The following EPOR variants were observed in gnomAD, a reference collection of about 807,000 sequenced individuals.
EPOR encodes the protein erythropoietin receptor.
Under a neutral mutation model 34.3 loss-of-function variants are expected in EPOR, and 20 were observed. The observed-to-expected ratio is 0.58, with a 90% CI of 0.41 to 0.85. The LOEUF (loss-of-function observed/expected upper bound fraction) is 0.85. Ranked by LOEUF, EPOR falls within the 40% of genes least tolerant of loss-of-function variation. The pLI is 0.00. For missense variants in EPOR, 601 were observed against 672.7 expected, an observed-to-expected ratio of 0.89 and a Z score of 1.18; for synonymous variants, 312 against 299.0, an observed-to-expected ratio of 1.04 and a Z score of -0.45.
chr19:11,381,661 T>A lies in EPOR; in HGVS notation c.585+31A>T. The A allele has an allele frequency of 6.3e-7, 1 of 1,578,696 alleles. No individual in the cohort carries two copies. The highest frequency in any genetic ancestry group is 8.6e-7 in the Non-Finnish European group (1 of 1,162,198). ...TGGCTGGGCCGTAGTCAGTGGAGCT[T>A]TGGGGGCTGGGCCGTAGGGGCTGGC... On this transcript the variant is annotated intron_variant, in intron 4 of 7. Transcript: ENST00000222139. This position sits in a 1 kb window ranked among gnomAD's most constrained non-coding sequence, Gnocchi z 5.3.
chr19:11,379,693 A>G (rs1568328746), intron 6 of EPOR, among the ~76,000 whole-genome samples: 1 of 150,028 alleles, frequency 6.7e-6, no homozygotes, highest in Non-Finnish European at 1.5e-5. Flanking sequence ...CACTCTAGCC[A>G]TGTGGCAATT....
In EPOR at chr19:11,380,945, A is replaced by G. The variant is rs1459614745; in HGVS notation, c.766T>C (p.Ser256Pro). 6.4e-7 allele frequency: 1 copy of G among 1,552,292 alleles called. No homozygotes were observed. Among genetic ancestry groups the G allele is most frequent in the Non-Finnish European group, 8.7e-7 (1 of 1,147,218 alleles). Residue 256 changes from serine to proline, a missense_variant, in exon 6 of 8, where the codon TCC becomes CCC. Transcript: ENST00000222139. The stretch of plus-strand genomic sequence containing the variant: ...ACCAGGATGACCACGAGGATGAGGG[A>G]GAGCGTCAGGATGAGGGGGTCCAGG... The part of the protein sequence containing the change: ...SDLDPLILTL[S>P]LILVVILVLL...
Position 11,380,933 on chromosome 19 carries a change from C to A in EPOR, c.778G>T (p.Val260Leu), listed in dbSNP as rs373709817. The part of the protein sequence containing the change: ...PLILTLSLIL[V>L]VILVLLTVLA... ...ACGGTCAGCAGCACCAGGATGACCACGAGGATGAGGGAGAGCGTCAGGATG... is the reference window on the plus strand; with the variant it reads ...ACGGTCAGCAGCACCAGGATGACCAAGAGGATGAGGGAGAGCGTCAGGATG... The change falls in exon 6 of 8, where the codon GTG becomes TTG. Residue 260 changes from valine to leucine, a missense_variant. Transcript: ENST00000222139. The A allele has an allele frequency of 6.4e-7, 1 of 1,551,980 alleles. No homozygotes were observed.
rs1242430861 is a variant in EPOR at position 11,381,799 on chromosome 19, C to T, written c.478G>A (p.Gly160Ser). 6.2e-7 allele frequency: 1 copy of T among 1,613,648 alleles called. No individual in the cohort carries two copies. Among genetic ancestry groups the T allele is most frequent in the Non-Finnish European group, 8.5e-7 (1 of 1,179,858 alleles). The change falls in exon 4 of 8, where the codon GGC becomes AGC. Residue 160 changes from glycine (G) to serine (S), a missense_variant. Gly to Ser is a moderately conservative substitution (Grantham distance 56). Coordinates refer to ENST00000222139, the MANE Select transcript of EPOR (RefSeq NM_000121.4). This position sits in a 1 kb window ranked among gnomAD's most constrained non-coding sequence, Gnocchi z 5.3. ...GGGAGCCAGCGCAACACTACGTGGCCGCTCTCGTCAGCCAACCGCGCCACC... is the reference window on the plus strand; with the variant it reads ...GGGAGCCAGCGCAACACTACGTGGCTGCTCTCGTCAGCCAACCGCGCCACC... ...GLVARLADES[G>S]HVVLRWLPPP...
intron 6 of EPOR, among the ~76,000 whole-genome samples, chr19:11,379,527 A>C (rs1255989252): frequency 6.6e-6 from 1 of 151,738 alleles, no homozygotes; most frequent in Non-Finnish European, 1.5e-5. Context: ...GTGAGCCAAG[A>C]CTGCTGCACT....
chr19:11,384,064 G>A (rs1379834868), intron 1 of EPOR, 29 bp downstream of exon 1: 3 of 1,409,060 alleles, frequency 2.1e-6, no homozygotes, highest in East Asian at 2.5e-5. Context: ...AGGCTCCAGC[G>A]TAGGGGTCCA....
At position 11,381,705 on chromosome 19, in the gene EPOR, C is replaced by G; in HGVS notation, c.572G>C (p.Gly191Ala). 6.2e-7 allele frequency: 1 copy of G among 1,608,296 alleles called. No homozygotes were observed. The highest frequency in any genetic ancestry group is 2.2e-5 in the East Asian group (1 of 44,476). The change falls in exon 4 of 8, where the codon GGG becomes GCG. Residue 191 changes from glycine to alanine, a missense_variant. Transcript: ENST00000222139. This position sits in a 1 kb window ranked among gnomAD's most constrained non-coding sequence, Gnocchi z 5.3. ...GGCTGGCCTCACCCTCTGTACGCTC[C>G]CTGCGCCGTTGCCGGCCGAGACGTC... is the stretch of plus-strand genomic sequence containing the variant. ...EVDVSAGNGA[G>A]SVQRVEILEG...
chr19:11,379,363 C>T (rs1481507407), intron 6 of EPOR, among the ~76,000 whole-genome samples: 2 of 152,044 alleles, frequency 1.3e-5, no homozygotes, highest in Non-Finnish European at 2.9e-5. Flanking sequence ...GAGCAGATCA[C>T]CTGAGGTCAG....
At chr19:11,379,755 C>T (rs927104424) in intron 6 of EPOR, among the ~76,000 whole-genome samples, 4 of 151,076 alleles carry the variant, frequency 2.6e-5, no homozygotes, top group Admixed American at 1.3e-4. Flanking sequence ...GGCTGGAATG[C>T]GATGGCACGA....
At chr19:11,380,742 C>T (rs2144696589) in intron 6 of EPOR, 142 bp downstream of exon 6, 3 of 703,898 alleles carry the variant, frequency 4.3e-6, no homozygotes, top group East Asian at 2.7e-5. Context: ...GTCTGGCATG[C>T]ATCCCAGCCC....
chr19:11,378,898 AGAG>A lies in EPOR; in HGVS notation c.828-123_828-121del. 9.9e-7 allele frequency: 1 copy of A among 1,012,536 alleles called. No individual in the cohort carries two copies. The highest frequency in any genetic ancestry group is 1.5e-6 in the Non-Finnish European group (1 of 664,252). 62.7% of individuals were successfully genotyped at this position (1,012,536 alleles called of 1,614,324 possible). A position where few individuals can be genotyped will look rare whatever the true frequency, so the allele number is the denominator to read the frequency against. On this transcript the variant is annotated intron_variant, in intron 6 of 7. Transcript: ENST00000222139. The surrounding 1 kb of genome is among the most constrained non-coding windows in gnomAD (Gnocchi z 5.3). ...TGGTCCCTGTGATCACAATGGAGGC[AGAG>A]GAGTACATCAGGGCCAGGGGACAGG...
chr19:11,381,789 A>G lies in EPOR; in HGVS notation c.488T>C (p.Val163Ala). 1 of 1,613,704 alleles carries G rather than the reference A, an allele frequency of 6.2e-7. No individual in the cohort carries two copies. The highest frequency in any genetic ancestry group is 8.5e-7 in the Non-Finnish European group (1 of 1,179,824). The change falls in exon 4 of 8, where the codon GTG (valine) becomes GCG (alanine). Residue 163 changes from valine (V) to alanine (A), a missense_variant. Coordinates refer to ENST00000222139, the MANE Select transcript of EPOR (RefSeq NM_000121.4). This position sits in a 1 kb window ranked among gnomAD's most constrained non-coding sequence, Gnocchi z 5.3. Reference sequence around the variant, plus strand: ...CTCAGGCGGCGGGAGCCAGCGCAACACTACGTGGCCGCTCTCGTCAGCCAA... The same window carrying G: ...CTCAGGCGGCGGGAGCCAGCGCAACGCTACGTGGCCGCTCTCGTCAGCCAA... ...ARLADESGHV[V>A]LRWLPPPETP... is the part of the protein sequence containing the mutation.
intron 6 of EPOR, among the ~76,000 whole-genome samples, chr19:11,379,640 G>C (rs1452091142): frequency 6.7e-6 from 1 of 149,354 alleles, no homozygotes; most frequent in African/African-American, 2.5e-5. Flanking sequence ...TATGACCCCT[G>C]TCACCTCCCT....
At chr19:11,379,658 A>G (rs1172465797) in intron 6 of EPOR, among the ~76,000 whole-genome samples, 1 of 150,820 alleles carries the variant, frequency 6.6e-6, no homozygotes, top group Non-Finnish European at 1.5e-5. Flanking sequence ...CCTCATCTCA[A>G]TATCTGCCAC....
rs771124995 is a variant in EPOR, at chr19:11,377,314, C to T, written c.*670G>A. 2.2e-4 allele frequency: 100 copies of T among 453,936 alleles called. No homozygotes were observed. The highest frequency in any genetic ancestry group is 4.0e-5 in the Non-Finnish European group (9 of 226,796). The allele number at this position is 453,936 out of a possible 1,614,324, so 28.1% of individuals were successfully genotyped here. On this transcript the variant is annotated 3_prime_UTR_variant, in exon 8 of 8. Transcript: ENST00000222139. ...AGCTAAACTAAGTTTCCTGGCCTTT[C>T]ATGTGACTGGGGTCATGTGACTGTT...
At position 11,377,667 on chromosome 19, in the gene EPOR, T is replaced by C. The variant is rs1390308833; in HGVS notation, c.*317A>G. On this transcript the variant is annotated 3_prime_UTR_variant, in exon 8 of 8. Coordinates refer to ENST00000222139, the MANE Select transcript of EPOR (RefSeq NM_000121.4). ...GCATTCAGATTGCAGATCCAGCTTC[T>C]GAATAAGCTCAAGAACTTTAACTTC... 1.9e-6 allele frequency: 1 copy of C among 537,370 alleles called. No homozygotes were observed. The highest frequency in any genetic ancestry group is 1.9e-5 in the African/African-American group (1 of 53,222). 33.3% of individuals were successfully genotyped at this position (537,370 alleles called of 1,614,324 possible). A position where few individuals can be genotyped will look rare whatever the true frequency, so the allele number is the denominator to read the frequency against.
Position 11,378,792 on chromosome 19 carries a change from TATAA to T in EPOR, c.828-18_828-15del. 1 of 1,612,984 alleles carries T rather than the reference TATAA, an allele frequency of 6.2e-7. No homozygotes were observed. The highest frequency in any genetic ancestry group is 1.1e-5 in the South Asian group (1 of 91,054). ...TGCTTCAGAGCCCTGTTGAAGCCAA[TATAA>T]ATAGTTACATAGATATGACTCATTG... On this transcript the variant is annotated splice_polypyrimidine_tract_variant and intron_variant, in intron 6 of 7. Transcript: ENST00000222139. This position sits in a 1 kb window ranked among gnomAD's most constrained non-coding sequence, Gnocchi z 5.3.
At chr19:11,379,515 C>T (rs1317807872) in intron 6 of EPOR, among the ~76,000 whole-genome samples, 1 of 151,446 alleles carries the variant, frequency 6.6e-6, no homozygotes, top group Admixed American at 6.6e-5. Flanking sequence ...GCAGAGATTG[C>T]AGTGAGCCAA....
rs2144693712 is a variant in EPOR at position 11,378,105 on chromosome 19, C to A, written c.1406G>T (p.Ser469Ile). The change falls in exon 8 of 8, where the codon AGC (serine) becomes ATC (isoleucine). Residue 469 changes from serine (S) to isoleucine (I), a missense_variant. By Grantham distance (142) the Ser-to-Ile change is moderately radical. Coordinates refer to ENST00000222139, the MANE Select transcript of EPOR (RefSeq NM_000121.4). This position sits in a 1 kb window ranked among gnomAD's most constrained non-coding sequence, Gnocchi z 5.3. The stretch of plus-strand genomic sequence containing the variant: ...TTGGGCTCCCTGGGAGTCCCCTGAG[C>A]TGTAGTCAGTTGAGATGCCAGAGTC... ...VSDSGISTDYSSGDSQGAQGG... is the reference protein window; with the variant it reads ...VSDSGISTDYISGDSQGAQGG... 6.2e-7 allele frequency: 1 copy of A among 1,614,074 alleles called. No individual in the cohort carries two copies. Among genetic ancestry groups the A allele is most frequent in the Admixed American group, 1.7e-5 (1 of 60,000 alleles).
Sources: gnomAD v4.1 joint callset for allele counts (sites outside exome capture counted in the v4.1 genomes callset) on GRCh38, gnomAD v4.1.1 for gene constraint, Gnocchi (gnomAD v3.1) non-coding constraint, MANE v1.5 for transcripts, NCBI Gene and HGNC (gene_info 2026-07-23, HGNC 2026-07-21) for gene names.